SMAP1: variants seen among roughly 807,000 people sequenced by gnomAD.
The protein encoded by SMAP1 is small ArfGAP 1.
In SMAP1, 24 loss-of-function variants were observed where a neutral mutation model predicts 58.5. The observed-to-expected ratio is 0.41, with a 90% CI of 0.30 to 0.58. The LOEUF (loss-of-function observed/expected upper bound fraction) is 0.58. Ranked by LOEUF, SMAP1 falls within the 20% of genes least tolerant of loss-of-function variation. SMAP1 has a pLI of 0.29. For synonymous variants in SMAP1, 216 were observed against 196.6 expected (o/e 1.10, Z -0.82); for missense variants, 563 against 566.3 (o/e 0.99, Z 0.06).
chr6:70,700,619 T>G (rs1767589976), intron 1 of SMAP1, among the ~76,000 whole-genome samples: 1 of 152,166 alleles, frequency 6.6e-6, no homozygotes, highest in Admixed American at 6.5e-5. Flanking sequence ...TCTTTGTAAA[T>G]TACCCAGCCT....
At chr6:70,713,259 G>A (rs956410852) in intron 1 of SMAP1, among the ~76,000 whole-genome samples, 2 of 151,692 alleles carry the variant, frequency 1.3e-5, no homozygotes, top group Non-Finnish European at 2.9e-5. Context: ...GTTTTTCTAT[G>A]CTTTATTTGA....
intron 1 of SMAP1, among the ~76,000 whole-genome samples, chr6:70,696,189 T>C (rs1188957425): frequency 6.6e-6 from 1 of 152,040 alleles, no homozygotes; most frequent in East Asian, 1.9e-4. Flanking sequence ...CTTTTGCTTA[T>C]CTTTTCAAAA....
At chr6:70,828,193 T>C (rs1312938454) in intron 6 of SMAP1, among the ~76,000 whole-genome samples, 1 of 152,160 alleles carries the variant, frequency 6.6e-6, no homozygotes, top group Non-Finnish European at 1.5e-5. Context: ...CAAAAGACTT[T>C]ATTTGAGTAA....
At chr6:70,717,914 A>G (rs1347093826) in intron 1 of SMAP1, among the ~76,000 whole-genome samples, 2 of 152,232 alleles carry the variant, frequency 1.3e-5, no homozygotes, top group Admixed American at 6.5e-5. Flanking sequence ...AGTTTATCTT[A>G]TATATCTATT....
intron 6 of SMAP1, among the ~76,000 whole-genome samples, chr6:70,831,438 G>A (rs1423084787): frequency 6.6e-6 from 1 of 151,960 alleles, no homozygotes; most frequent in Admixed American, 6.6e-5. Context: ...CCTGAAGTAG[G>A]TCCCAGTGTC....
At chr6:70,717,244 A>C (rs1426569329) in intron 1 of SMAP1, among the ~76,000 whole-genome samples, 1 of 152,172 alleles carries the variant, frequency 6.6e-6, no homozygotes, top group Non-Finnish European at 1.5e-5. Flanking sequence ...CATTCATTCC[A>C]CACTAAGCTG....
In SMAP1 at chr6:70,668,792, T is replaced by C. The variant is rs1766146204; in HGVS notation, c.118+651T>C. Reference sequence around the variant, plus strand: ...TAGTAGTATTGTTTTTTAGTCTGGTTATTAGCCAGAATGAAGAGGAATTTC... The same window carrying C: ...TAGTAGTATTGTTTTTTAGTCTGGTCATTAGCCAGAATGAAGAGGAATTTC... On this transcript the variant is annotated intron_variant, in intron 1 of 10. Coordinates refer to ENST00000370455, the MANE Select transcript of SMAP1 (RefSeq NM_001044305.3). The C allele has an allele frequency of 2.7e-6, 4 of 1,475,156 alleles. No homozygotes were observed. The Admixed American group carries it at 6.2e-5, about 23-fold the overall frequency. The allele number at this position is 1,475,156 out of a possible 1,614,324, so 91.4% of individuals were successfully genotyped here.
intron 1 of SMAP1, among the ~76,000 whole-genome samples, chr6:70,706,157 G>A (rs1342432441): frequency 6.6e-6 from 1 of 152,162 alleles, no homozygotes. Context: ...TTGGCCTCAT[G>A]ATATGTCAAG....
At chr6:70,764,978 T>G (rs1262403492) in intron 3 of SMAP1, among the ~76,000 whole-genome samples, 1 of 152,138 alleles carries the variant, frequency 6.6e-6, no homozygotes, top group African/African-American at 2.4e-5. Context: ...TTTTTGTATT[T>G]TTTTGTAGAG....
chr6:70,765,808 A>G (rs925556240), intron 3 of SMAP1, among the ~76,000 whole-genome samples: 1 of 151,846 alleles, frequency 6.6e-6, no homozygotes, highest in Non-Finnish European at 1.5e-5. Flanking sequence ...GGTTTGTTAC[A>G]TATGTATACA....
At chr6:70,683,099 C>CTTCCT (rs1766790719) in intron 1 of SMAP1, among the ~76,000 whole-genome samples, 1 of 150,698 alleles carries the variant, frequency 6.6e-6, no homozygotes, top group Non-Finnish European at 1.5e-5. Context: ...TTTTAAAAGG[C>CTTCCT]TTCCTTAATA....
chr6:70,825,326 C>T (rs538003656), intron 6 of SMAP1, among the ~76,000 whole-genome samples: 1 of 152,228 alleles, frequency 6.6e-6, no homozygotes, highest in Admixed American at 6.5e-5. Flanking sequence ...CACAGTCACC[C>T]AGCTGGGAAG....
chr6:70,712,797 C>CT (rs576020234), intron 1 of SMAP1, among the ~76,000 whole-genome samples: 1,990 of 123,418 alleles, frequency 0.016, 22 homozygotes, highest in Admixed American at 0.032. Flanking sequence ...TTTTTCTTTT[C>CT]TTTTTTTTTT....
At chr6:70,677,089 C>T (rs1007524782) in intron 1 of SMAP1, among the ~76,000 whole-genome samples, 13 of 151,680 alleles carry the variant, frequency 8.6e-5, no homozygotes, top group Non-Finnish European at 1.3e-4. Flanking sequence ...CCTCACCTTG[C>T]GTAAACTTTA....
At chr6:70,775,322 A>G (rs1767504112) in intron 4 of SMAP1, among the ~76,000 whole-genome samples, 1 of 152,112 alleles carries the variant, frequency 6.6e-6, no homozygotes, top group East Asian at 1.9e-4. Context: ...TAAAAATTAT[A>G]TTTGTATTAT....
chr6:70,806,584 G>A (rs189857252), intron 6 of SMAP1, among the ~76,000 whole-genome samples: 18 of 152,282 alleles, frequency 1.2e-4, no homozygotes, highest in Admixed American at 7.9e-4. Flanking sequence ...CATCTTCTGC[G>A]TCGATCATGC....
At chr6:70,706,291 A>G (rs889674221) in intron 1 of SMAP1, among the ~76,000 whole-genome samples, 2 of 152,204 alleles carry the variant, frequency 1.3e-5, no homozygotes, top group Admixed American at 1.3e-4. Context: ...TAAGTCTTAC[A>G]GTAAAAATAA....
chr6:70,859,230 CTAAG>C (rs1351384262), intron 10 of SMAP1: 1 of 748,338 alleles, frequency 1.3e-6, no homozygotes, highest in Non-Finnish European at 2.1e-6. Context: ...ATTGTATGTG[CTAAG>C]TGTCAGTCAC....
At chr6:70,698,370 C>T (rs149385473) in intron 1 of SMAP1, among the ~76,000 whole-genome samples, 187 of 152,110 alleles carry the variant, frequency 1.2e-3, no homozygotes, top group Non-Finnish European at 2.2e-3. Context: ...TTAAATGTCT[C>T]GAGGTAGTCT....
Sources: gnomAD v4.1 joint callset for allele counts (sites outside exome capture counted in the v4.1 genomes callset) on GRCh38, gnomAD v4.1.1 for gene constraint, MANE v1.5 for transcripts, NCBI Gene and HGNC (gene_info 2026-07-23, HGNC 2026-07-21) for gene names.